The following FRMPD4 variants were observed in gnomAD, a reference collection of about 807,000 sequenced individuals.
FRMPD4 encodes the protein FERM and PDZ domain-containing protein 4.
In FRMPD4, 22 loss-of-function variants were observed where a neutral mutation model predicts 94.1. The observed-to-expected ratio is 0.23, with a 90% CI of 0.17 to 0.33. The LOEUF is 0.33. Among genes scored for constraint, FRMPD4 ranks in the 10% least tolerant of loss-of-function variants. The pLI, the probability that FRMPD4 is intolerant of heterozygous loss-of-function variation, is 1.00. For missense variants in FRMPD4, 1,111 were observed against 1,339.9 expected, an observed-to-expected ratio of 0.83 and a Z score of 2.67; for synonymous variants, 631 against 548.6, an observed-to-expected ratio of 1.15 and a Z score of -2.10.
At chrX:11,849,755 TATATC>T (rs1015957536) in intron 1 of FRMPD4, among the ~76,000 whole-genome samples, 1 of 110,274 alleles carries the variant, frequency 9.1e-6, no homozygotes, top group Non-Finnish European at 1.9e-5. Flanking sequence ...ACCTTTATCT[TATATC>T]ACATATAAAA....
intron 1 of FRMPD4, among the ~76,000 whole-genome samples, chrX:12,259,588 G>A (rs766953392): frequency 9.0e-5 from 10 of 111,640 alleles, no homozygotes; most frequent in Admixed American, 1.9e-4. Flanking sequence ...TGGGCTATCC[G>A]TTAGTGGGTA....
chrX:12,121,229 T>C (rs1024200070), intron 3 of FRMPD4, among the ~76,000 whole-genome samples: 1 of 110,287 alleles, frequency 9.1e-6, no homozygotes, highest in African/African-American at 3.3e-5. Flanking sequence ...ACAAATTGAA[T>C]GCAGAAGCAG....
upstream of FRMPD4, among the ~76,000 whole-genome samples, chrX:12,136,744 CAGTAAT>C (rs1264370754): frequency 9.1e-6 from 1 of 110,119 alleles, no homozygotes; most frequent in African/African-American, 3.3e-5. Context: ...GGGAAGTGGG[CAGTAAT>C]AGTTGAGGTA....
chrX:11,831,369 G>A (rs1167765112), intron 1 of FRMPD4, among the ~76,000 whole-genome samples: 4 of 111,338 alleles, frequency 3.6e-5, no homozygotes, highest in South Asian at 7.6e-4. Flanking sequence ...ATGGCGGTTC[G>A]TGGAAAGGTA....
intron 1 of FRMPD4, among the ~76,000 whole-genome samples, chrX:12,274,834 C>T (rs1442236475): frequency 8.9e-6 from 1 of 111,885 alleles, no homozygotes; most frequent in African/African-American, 3.3e-5. Flanking sequence ...ATGGTGAAAC[C>T]CCGTCTCTAC....
At chrX:12,015,424 A>G (rs1300303455) in intron 3 of FRMPD4, among the ~76,000 whole-genome samples, 1 of 111,593 alleles carries the variant, frequency 9.0e-6, no homozygotes, top group Admixed American at 9.5e-5. Context: ...ACATTGCCTC[A>G]TTGGATGCTT....
At chrX:11,951,178 G>A (rs2054221388) in intron 3 of FRMPD4, among the ~76,000 whole-genome samples, 1 of 110,639 alleles carries the variant, frequency 9.0e-6, no homozygotes, top group Non-Finnish European at 1.9e-5. Flanking sequence ...GTGGAAAACA[G>A]TGTGGTGATT....
At chrX:12,009,595 A>G (rs1043496478) in intron 3 of FRMPD4, among the ~76,000 whole-genome samples, 1 of 112,533 alleles carries the variant, frequency 8.9e-6, no homozygotes, top group Non-Finnish European at 1.9e-5. Flanking sequence ...ATGGACTTGA[A>G]TTAGATAAAC....
At chrX:12,538,172 C>T (rs112493065) in intron 2 of FRMPD4, among the ~76,000 whole-genome samples, 4 of 111,652 alleles carry the variant, frequency 3.6e-5, no homozygotes, top group Non-Finnish European at 7.5e-5. Context: ...CGGCACACCA[C>T]GAGATTATAG....
intron 1 of FRMPD4, among the ~76,000 whole-genome samples, chrX:12,218,396 T>G (rs1269215249): frequency 9.0e-6 from 1 of 111,193 alleles, no homozygotes; most frequent in Non-Finnish European, 1.9e-5. Context: ...GTGGTAGGAG[T>G]GAGCAATCAT....
At chrX:11,896,419 T>C (rs1036117778) in intron 3 of FRMPD4, among the ~76,000 whole-genome samples, 10 of 110,908 alleles carry the variant, frequency 9.0e-5, no homozygotes, top group Non-Finnish European at 1.5e-4. Flanking sequence ...GATTGGGTCA[T>C]GAGGGTAGTG....
At chrX:12,205,324 C>T (rs1025856284) in intron 1 of FRMPD4, among the ~76,000 whole-genome samples, 3 of 111,599 alleles carry the variant, frequency 2.7e-5, no homozygotes, top group African/African-American at 9.8e-5. Flanking sequence ...AATCGACTGT[C>T]TCTTAAGGAA....
At chrX:12,238,478 G>A (rs772477767) in intron 1 of FRMPD4, among the ~76,000 whole-genome samples, 7 of 112,098 alleles carry the variant, frequency 6.2e-5, no homozygotes, top group African/African-American at 1.3e-4. Context: ...ATCACCAGCA[G>A]TATAAGAGTA....
chrX:12,200,965 A>G (rs1601691106), intron 1 of FRMPD4, among the ~76,000 whole-genome samples: 1 of 112,303 alleles, frequency 8.9e-6, no homozygotes, highest in East Asian at 2.8e-4. Context: ...AATGTAGACA[A>G]GTATTATTTT....
intron 1 of FRMPD4, among the ~76,000 whole-genome samples, chrX:12,337,914 A>G (rs2055551899): frequency 8.9e-6 from 1 of 112,512 alleles, no homozygotes; most frequent in East Asian, 2.8e-4. Flanking sequence ...CTTATAAACA[A>G]TAGAAATGTA....
At chrX:12,515,980 G>A (rs1458013400) in intron 2 of FRMPD4, among the ~76,000 whole-genome samples, 2 of 111,372 alleles carry the variant, frequency 1.8e-5, no homozygotes, top group Non-Finnish European at 3.8e-5. Context: ...TTTTATCTGT[G>A]TTGGTTTAAA....
chrX:12,523,825 G>A (rs767574857), intron 2 of FRMPD4, among the ~76,000 whole-genome samples: 1 of 107,465 alleles, frequency 9.3e-6, no homozygotes, highest in African/African-American at 3.5e-5. Flanking sequence ...TTTGTAAGGT[G>A]GCAATAAGGA....
chrX:12,713,056 C>A (rs1206263098), intron 14 of FRMPD4, among the ~76,000 whole-genome samples: 8 of 106,113 alleles, frequency 7.5e-5, no homozygotes, highest in African/African-American at 2.4e-4. Flanking sequence ...AGCCTCCAGG[C>A]TGGCTGACAA....
At chrX:12,163,512 G>A (rs1338368394) in intron 1 of FRMPD4, among the ~76,000 whole-genome samples, 1 of 106,186 alleles carries the variant, frequency 9.4e-6, no homozygotes, top group African/African-American at 3.4e-5. Flanking sequence ...GAGACCTTGA[G>A]GTTTTGAAGT....
Sources: gnomAD v4.1 joint callset for allele counts (sites outside exome capture counted in the v4.1 genomes callset) on GRCh38, gnomAD v4.1.1 for gene constraint, MANE v1.5 for transcripts, NCBI Gene and HGNC (gene_info 2026-07-23, HGNC 2026-07-21) for gene names.